The following LYPD5 variants were observed in gnomAD, a reference collection of about 807,000 sequenced individuals.
LYPD5 encodes ly6/PLAUR domain-containing protein 5.
LYPD5 carries 21 observed loss-of-function variants against 19.1 expected under a neutral mutation model. The observed-to-expected ratio is 1.10, with a 90% CI of 0.78 to 1.58. The LOEUF (loss-of-function observed/expected upper bound fraction) is 1.58. Among genes scored for constraint, LYPD5 ranks in the 40% most tolerant of loss-of-function variants. The pLI is 0.00. For synonymous variants in LYPD5, 128 were observed against 142.7 expected (o/e 0.90, Z 0.74); for missense variants, 287 against 329.8 (o/e 0.87, Z 1.00).
chr19:43,808,381 C>T (rs1016191581), intron 1 of LYPD5, among the ~76,000 whole-genome samples: 2 of 152,236 alleles, frequency 1.3e-5, no homozygotes, highest in African/African-American at 2.4e-5. Flanking sequence ...ATTGAGGTTA[C>T]AGGCGTGAGC....
Position 43,797,586 on chromosome 19 carries a change from G to A in LYPD5, c.*5C>T. 6.3e-7 allele frequency: 1 copy of A among 1,584,114 alleles called. No individual in the cohort carries two copies. On this transcript the variant is annotated 3_prime_UTR_variant, in exon 5 of 5. Transcript: ENST00000377950. ...GCCCTGTCCCCAGCATCCTGGAGGG[G>A]CGGTCTATGCTGAGAGCCCCACCAG... is the stretch of plus-strand genomic sequence containing the variant.
chr19:43,797,860 C>A, intron 4 of LYPD5, 31 bp from the exon 5 acceptor site: 1 of 1,531,288 alleles, frequency 6.5e-7, no homozygotes, highest in South Asian at 1.1e-5. Flanking sequence ...GAGGAACGGT[C>A]AGAACTGAGG....
At chr19:43,817,721 A>T (rs1011990713) in intron 1 of LYPD5, among the ~76,000 whole-genome samples, 5 of 145,778 alleles carry the variant, frequency 3.4e-5, no homozygotes, top group South Asian at 2.2e-4. Context: ...GACTTTATTT[A>T]TTTTTTTTTT....
intron 4 of LYPD5, 122 bp downstream of exon 4, chr19:43,798,333 C>T (rs1970165739): frequency 7.9e-7 from 1 of 1,265,804 alleles, no homozygotes; most frequent in African/African-American, 1.5e-5. Flanking sequence ...AGACCAGGGT[C>T]ATGCCTCCCA....
upstream of LYPD5, among the ~76,000 whole-genome samples, chr19:43,805,835 C>T (rs1970266563): frequency 6.6e-6 from 1 of 152,134 alleles, no homozygotes; most frequent in Non-Finnish European, 1.5e-5. Flanking sequence ...ATGCATTCTT[C>T]CTGCAGCATC....
Position 43,799,098 on chromosome 19 carries a change from C to CTCCCTCCTTCCCTCCT in LYPD5, c.194-126_194-111dup, listed in dbSNP as rs58190567. On this transcript the variant is annotated intron_variant, in intron 2 of 4. Transcript: ENST00000377950. ...TTCACTTTCACCTACACCTCCTCCC[C>CTCCCTCCTTCCCTCCT]TCCCTCCTTCCCTCCTTCCTCTCAC... is the stretch of plus-strand genomic sequence containing the variant. 9.9e-6 allele frequency: 10 copies of CTCCCTCCTTCCCTCCT among 1,014,972 alleles called. 1 individual carries two copies. The highest frequency in any genetic ancestry group is 3.3e-4 in the Middle Eastern group (1 of 3,044). The allele number at this position is 1,014,972 out of a possible 1,614,324, so 62.9% of individuals were successfully genotyped here.
upstream of LYPD5, chr19:43,802,498 C>T (rs1385781042): frequency 1.3e-5 from 11 of 870,998 alleles, no homozygotes; most frequent in Non-Finnish European, 1.7e-5. Flanking sequence ...CTTCGTCCCA[C>T]CCTCCCTATG....
upstream of LYPD5, among the ~76,000 whole-genome samples, chr19:43,803,352 C>T (rs1262358343): frequency 2.6e-5 from 4 of 152,216 alleles, no homozygotes; most frequent in Non-Finnish European, 5.9e-5. Context: ...TGAGGAGGTC[C>T]AGAGGAGGCC....
chr19:43,816,683 G>A (rs1222712382), intron 1 of LYPD5, among the ~76,000 whole-genome samples: 1 of 152,146 alleles, frequency 6.6e-6, no homozygotes, highest in Non-Finnish European at 1.5e-5. Context: ...ATTAGCTTTG[G>A]CCACATAATA....
chr19:43,800,069 G>A, intron 1 of LYPD5: 1 of 364,144 alleles, frequency 2.7e-6, no homozygotes, highest in Non-Finnish European at 5.0e-6. Flanking sequence ...GGACACTCCA[G>A]GTCTCCACCC....
At chr19:43,808,381 C>G (rs1016191581) in intron 1 of LYPD5, among the ~76,000 whole-genome samples, 1 of 152,236 alleles carries the variant, frequency 6.6e-6, no homozygotes, top group South Asian at 2.1e-4. Flanking sequence ...ATTGAGGTTA[C>G]AGGCGTGAGC....
At chr19:43,812,370 T>A (rs1172455286) in intron 1 of LYPD5, among the ~76,000 whole-genome samples, 1 of 141,842 alleles carries the variant, frequency 7.1e-6, no homozygotes, top group African/African-American at 2.6e-5. Context: ...TCTATCTATC[T>A]ATCTATCAAT....
intron 1 of LYPD5, among the ~76,000 whole-genome samples, chr19:43,815,541 C>T (rs1970364595): frequency 6.6e-6 from 1 of 151,390 alleles, no homozygotes; most frequent in East Asian, 1.9e-4. Context: ...TGCCACTGCA[C>T]TCCAGCCTGG....
upstream of LYPD5, chr19:43,802,564 G>GAACACC: frequency 3.5e-6 from 1 of 289,004 alleles, no homozygotes; most frequent in African/African-American, 5.1e-5. Context: ...CTCAGTTGCT[G>GAACACC]GAGATCTACA....
At position 43,802,312 on chromosome 19, in the gene LYPD5, C is replaced by A; in HGVS notation, c.64+5G>T. On this transcript the variant is annotated splice_donor_5th_base_variant and intron_variant, in intron 1 of 4. Transcript: ENST00000377950. ...TCTCACTACTGGATTCAGAAGTTTG[C>A]GTACCTGTCAGGCAGAGCGCAGCCC... 1 of 1,551,252 alleles carries A rather than the reference C, an allele frequency of 6.4e-7. No individual in the cohort carries two copies.
At chr19:43,804,837 G>A (rs978420632), upstream of LYPD5, among the ~76,000 whole-genome samples, 7 of 152,206 alleles carry the variant, frequency 4.6e-5, no homozygotes, top group Admixed American at 6.5e-5. Context: ...AGCCCCCGTG[G>A]AAGGTGGAGG....
rs349048 is a variant in LYPD5 at position 43,796,785 on chromosome 19, C to T, written c.*806G>A. On this transcript the variant is annotated 3_prime_UTR_variant, in exon 5 of 5. Transcript: ENST00000377950. ...GGGCTTATGACAAGTAGCCCATTTA[C>T]ACTGGGCCACTGCTGTGTCCCAAGT... 0.45 allele frequency: 68,044 copies of T among 152,060 alleles called. 15,806 individuals are homozygous for T. Among genetic ancestry groups the T allele is most frequent in the South Asian group, 0.61 (2,961 of 4,822 alleles). 9.4% of individuals were successfully genotyped at this position (152,060 alleles called of 1,614,324 possible).
intron 1 of LYPD5, among the ~76,000 whole-genome samples, chr19:43,808,026 A>G (rs1041799550): frequency 6.6e-6 from 1 of 152,222 alleles, no homozygotes; most frequent in African/African-American, 2.4e-5. Flanking sequence ...AGATTAAACA[A>G]AGTTACCTGA....
At chr19:43,804,986 T>C (rs571947870), upstream of LYPD5, among the ~76,000 whole-genome samples, 4 of 152,300 alleles carry the variant, frequency 2.6e-5, no homozygotes, top group Admixed American at 2.0e-4. Context: ...TTTGGAGACT[T>C]TGAAGTGTCA....
Sources: allele counts gnomAD v4.1 joint callset (sites outside exome capture counted in the v4.1 genomes callset), GRCh38; gene constraint gnomAD v4.1.1; transcripts MANE v1.5; gene names NCBI Gene and HGNC (gene_info 2026-07-23, HGNC 2026-07-21).